Variants in DSCAM observed in about 807,000 individuals in gnomAD.
DSCAM encodes the protein DS cell adhesion molecule, also known as cell adhesion molecule DSCAM.
In DSCAM, 47 loss-of-function variants were observed where a neutral mutation model predicts 217.7. The observed-to-expected ratio is 0.22, with a 90% CI of 0.17 to 0.28. The LOEUF (loss-of-function observed/expected upper bound fraction) is 0.28. Ranked by LOEUF, DSCAM falls within the 10% of genes least tolerant of loss-of-function variation. DSCAM has a pLI of 1.00. For missense variants in DSCAM, 2,080 were observed against 2,618.3 expected (o/e 0.79, Z 4.49); for synonymous variants, 1,056 against 1,015.3 (o/e 1.04, Z -0.76).
intron 3 of DSCAM, among the ~76,000 whole-genome samples, chr21:40,529,060 C>A (rs1268450146): frequency 6.6e-6 from 1 of 151,844 alleles, no homozygotes; most frequent in Admixed American, 6.6e-5. Flanking sequence ...CGTGCCACCA[C>A]CCCCGGCTAA....
intron 1 of DSCAM, among the ~76,000 whole-genome samples, chr21:40,781,155 C>T (rs1194614884): frequency 1.3e-5 from 2 of 151,928 alleles, no homozygotes; most frequent in African/African-American, 2.4e-5. Flanking sequence ...ATTACAGGAG[C>T]GTGCCACCAT....
intron 11 of DSCAM, among the ~76,000 whole-genome samples, chr21:40,214,443 T>C (rs980243427): frequency 1.3e-5 from 2 of 152,168 alleles, no homozygotes; most frequent in Non-Finnish European, 2.9e-5. Context: ...TTTTCCAAGA[T>C]GATGGAATAT....
chr21:40,196,151 C>T (rs1246088135), intron 11 of DSCAM, among the ~76,000 whole-genome samples: 1 of 152,184 alleles, frequency 6.6e-6, no homozygotes, highest in Admixed American at 6.5e-5. Context: ...CGCACCCTGG[C>T]CTGCAGAGGT....
intron 27 of DSCAM, among the ~76,000 whole-genome samples, chr21:40,072,760 T>C (rs1179958246): frequency 6.6e-6 from 1 of 152,112 alleles, no homozygotes; most frequent in African/African-American, 2.4e-5. Flanking sequence ...CTTTGCTCCT[T>C]AACATCTCTT....
chr21:40,661,359 G>A (rs1380741530), intron 3 of DSCAM, among the ~76,000 whole-genome samples: 1 of 152,060 alleles, frequency 6.6e-6, no homozygotes, highest in African/African-American at 2.4e-5. Flanking sequence ...CTCTATGTTG[G>A]GCTTAAGTAC....
intron 1 of DSCAM, among the ~76,000 whole-genome samples, chr21:40,820,665 GA>G (rs532748984): frequency 3.3e-4 from 50 of 151,936 alleles, no homozygotes; most frequent in South Asian, 8.3e-4. Context: ...ATGTATTACA[GA>G]AAAAAATTAT....
At chr21:40,775,801 T>C (rs1310433841) in intron 1 of DSCAM, among the ~76,000 whole-genome samples, 2 of 152,116 alleles carry the variant, frequency 1.3e-5, no homozygotes, top group Non-Finnish European at 1.5e-5. Flanking sequence ...TTTTGTACAT[T>C]TGTATCTGTG....
At chr21:40,238,647 G>T (rs554333995) in intron 11 of DSCAM, among the ~76,000 whole-genome samples, 1 of 152,194 alleles carries the variant, frequency 6.6e-6, no homozygotes, top group African/African-American at 2.4e-5. Flanking sequence ...ACTAATTTGT[G>T]TGTTGCCTAA....
chr21:40,504,132 G>A (rs1345086676), intron 3 of DSCAM, among the ~76,000 whole-genome samples: 4 of 151,956 alleles, frequency 2.6e-5, no homozygotes, highest in African/African-American at 9.7e-5. Context: ...AACAGTCTGA[G>A]GCTTAGAACA....
At chr21:40,201,707 C>T (rs2091071338) in intron 11 of DSCAM, among the ~76,000 whole-genome samples, 1 of 152,102 alleles carries the variant, frequency 6.6e-6, no homozygotes, top group South Asian at 2.1e-4. Context: ...TCCCAAATTG[C>T]TGGGATTATA....
intron 3 of DSCAM, among the ~76,000 whole-genome samples, chr21:40,577,738 A>T (rs771711444): frequency 1.1e-4 from 17 of 152,224 alleles, no homozygotes; most frequent in Non-Finnish European, 2.4e-4. Flanking sequence ...GAAGTTAAGT[A>T]GGCAAAAAGT....
chr21:40,151,732 A>G (rs2090424915), intron 16 of DSCAM, among the ~76,000 whole-genome samples: 1 of 152,190 alleles, frequency 6.6e-6, no homozygotes, highest in Non-Finnish European at 1.5e-5. Context: ...CTTAGCCACT[A>G]CAGAAGTGGA....
chr21:40,705,430 A>G (rs2058965395), intron 2 of DSCAM, among the ~76,000 whole-genome samples: 1 of 151,802 alleles, frequency 6.6e-6, no homozygotes, highest in Non-Finnish European at 1.5e-5. Context: ...AGTTGGTTGT[A>G]TTAGTCCATT....
chr21:40,254,753 T>C (rs1247511531), intron 11 of DSCAM, among the ~76,000 whole-genome samples: 1 of 152,110 alleles, frequency 6.6e-6, no homozygotes, highest in Non-Finnish European at 1.5e-5. Flanking sequence ...CCCTATGGCG[T>C]TGATCCCAAG....
At chr21:40,644,824 C>T (rs2089925080) in intron 3 of DSCAM, among the ~76,000 whole-genome samples, 1 of 152,114 alleles carries the variant, frequency 6.6e-6, no homozygotes, top group African/African-American at 2.4e-5. Flanking sequence ...GCACCAAGAA[C>T]CTGGACAACT....
At chr21:40,167,090 T>A (rs1218906378) in intron 16 of DSCAM, 128 bp downstream of exon 16, 2 of 780,938 alleles carry the variant, frequency 2.6e-6, no homozygotes, top group Non-Finnish European at 4.1e-6. Flanking sequence ...GAAAAGGGCT[T>A]TCAACTTAAT....
At chr21:40,119,778 C>G (rs899628718) in intron 20 of DSCAM, among the ~76,000 whole-genome samples, 2 of 151,246 alleles carry the variant, frequency 1.3e-5, no homozygotes, top group Admixed American at 6.6e-5. Flanking sequence ...GAGGGAGGAA[C>G]GACGTTTTAA....
intron 11 of DSCAM, among the ~76,000 whole-genome samples, chr21:40,264,734 C>T (rs1393095842): frequency 6.6e-6 from 1 of 152,130 alleles, no homozygotes; most frequent in African/African-American, 2.4e-5. Flanking sequence ...AAATCAAGGG[C>T]CTCCAAATAG....
chr21:40,482,681 A>AG (rs2075993124), intron 3 of DSCAM, among the ~76,000 whole-genome samples: 1 of 152,202 alleles, frequency 6.6e-6, no homozygotes, highest in Non-Finnish European at 1.5e-5. Context: ...CCCTGACAGC[A>AG]GAGGGCAATA....
Sources: gnomAD v4.1 joint callset for allele counts (sites outside exome capture counted in the v4.1 genomes callset) on GRCh38, gnomAD v4.1.1 for gene constraint, MANE v1.5 for transcripts, NCBI Gene and HGNC (gene_info 2026-07-23, HGNC 2026-07-21) for gene names.